Variants in TAFA1 observed in about 807,000 individuals in gnomAD.
TAFA1 encodes chemokine-like protein TAFA-1.
In TAFA1, 4 loss-of-function variants were observed where a neutral mutation model predicts 18.5. The observed-to-expected ratio is 0.22, with a 90% CI of 0.11 to 0.49. TAFA1 has a LOEUF of 0.49. Ranked by LOEUF, TAFA1 falls within the 20% of genes least tolerant of loss-of-function variation. TAFA1 has a pLI of 0.98. For synonymous variants in TAFA1, 56 were observed against 55.2 expected (o/e 1.01, Z -0.06); for missense variants, 147 against 169.0 (o/e 0.87, Z 0.72).
chr3:68,229,851 A>T (rs900853952), intron 2 of TAFA1, among the ~76,000 whole-genome samples: 2 of 152,174 alleles, frequency 1.3e-5, no homozygotes, highest in African/African-American at 4.8e-5. Context: ...TAACGGAGAG[A>T]TATATAATGC....
intron 2 of TAFA1, among the ~76,000 whole-genome samples, chr3:68,413,398 G>T (rs568265376): frequency 1.3e-5 from 2 of 152,076 alleles, no homozygotes; most frequent in East Asian, 3.9e-4. Flanking sequence ...TTTGTGATGT[G>T]TTTATTATGG....
chr3:68,271,275 C>T (rs1201686246), intron 2 of TAFA1, among the ~76,000 whole-genome samples: 2 of 152,088 alleles, frequency 1.3e-5, no homozygotes, highest in Non-Finnish European at 2.9e-5. Flanking sequence ...CAACAAAACA[C>T]CCAACTCCTG....
intron 2 of TAFA1, among the ~76,000 whole-genome samples, chr3:68,214,982 T>C (rs1479906843): frequency 6.6e-6 from 1 of 152,018 alleles, no homozygotes; most frequent in Non-Finnish European, 1.5e-5. Context: ...CTGTTGCTGA[T>C]CTGTGAAATG....
At chr3:68,168,404 C>A (rs1559545066) in intron 2 of TAFA1, among the ~76,000 whole-genome samples, 2 of 152,292 alleles carry the variant, frequency 1.3e-5, no homozygotes, top group East Asian at 3.9e-4. Flanking sequence ...CACGTTAATT[C>A]TCCCTTGTAT....
At chr3:68,233,962 C>T (rs987449382) in intron 2 of TAFA1, among the ~76,000 whole-genome samples, 1 of 152,078 alleles carries the variant, frequency 6.6e-6, no homozygotes, top group African/African-American at 2.4e-5. Context: ...GAAGAAAAGA[C>T]CGAAACTGGC....
chr3:68,055,399 G>C (rs2064523725), intron 2 of TAFA1, among the ~76,000 whole-genome samples: 1 of 152,026 alleles, frequency 6.6e-6, no homozygotes, highest in Non-Finnish European at 1.5e-5. Flanking sequence ...ACTATATTTT[G>C]CTCCCTTCCC....
intron 2 of TAFA1, among the ~76,000 whole-genome samples, chr3:68,026,729 C>T (rs1704824805): frequency 6.6e-6 from 1 of 152,142 alleles, no homozygotes; most frequent in South Asian, 2.1e-4. Flanking sequence ...GCAGTCTGTG[C>T]TCCTAACTAC....
At chr3:68,206,697 A>G (rs2066530531) in intron 2 of TAFA1, among the ~76,000 whole-genome samples, 1 of 151,966 alleles carries the variant, frequency 6.6e-6, no homozygotes, top group South Asian at 2.1e-4. Flanking sequence ...CTGTGTGCAG[A>G]CAAGAGAGCG....
At chr3:68,462,234 GT>G (rs988496113) in intron 3 of TAFA1, among the ~76,000 whole-genome samples, 4 of 152,026 alleles carry the variant, frequency 2.6e-5, no homozygotes, top group African/African-American at 9.7e-5. Context: ...AACTGATATG[GT>G]TTGCCTGTGT....
At chr3:68,473,919 C>T (rs1170542762) in intron 3 of TAFA1, among the ~76,000 whole-genome samples, 2 of 152,004 alleles carry the variant, frequency 1.3e-5, no homozygotes, top group African/African-American at 4.8e-5. Context: ...CTAATAGTGC[C>T]TGAAACATGG....
intron 2 of TAFA1, among the ~76,000 whole-genome samples, chr3:68,178,513 A>C (rs1314977711): frequency 6.6e-6 from 1 of 152,210 alleles, no homozygotes; most frequent in Non-Finnish European, 1.5e-5. Flanking sequence ...TATGAGAATT[A>C]ATTCAGAGTG....
At chr3:68,529,304 G>C (rs1398897849) in intron 3 of TAFA1, among the ~76,000 whole-genome samples, 1 of 151,442 alleles carries the variant, frequency 6.6e-6, no homozygotes, top group Non-Finnish European at 1.5e-5. Context: ...TTTTCTCTTT[G>C]AGTTTAGTGA....
chr3:68,295,070 T>G (rs1203543929), intron 2 of TAFA1, among the ~76,000 whole-genome samples: 1 of 152,172 alleles, frequency 6.6e-6, no homozygotes, highest in Non-Finnish European at 1.5e-5. Context: ...CTATGTTCTC[T>G]AAGCCTCAGT....
At chr3:68,350,150 A>G (rs539282577) in intron 2 of TAFA1, among the ~76,000 whole-genome samples, 117 of 152,280 alleles carry the variant, frequency 7.7e-4, no homozygotes, top group South Asian at 2.9e-3. Flanking sequence ...GACTGCAGTA[A>G]GAAAGAAATT....
intron 2 of TAFA1, among the ~76,000 whole-genome samples, chr3:68,376,102 C>T (rs556441009): frequency 6.6e-6 from 1 of 152,176 alleles, no homozygotes; most frequent in South Asian, 2.1e-4. Context: ...CACAACTGAT[C>T]AGGATATAGG....
At chr3:68,302,230 A>C (rs998874200) in intron 2 of TAFA1, among the ~76,000 whole-genome samples, 5 of 152,190 alleles carry the variant, frequency 3.3e-5, no homozygotes, top group African/African-American at 1.2e-4. Context: ...AGAGGTGTTT[A>C]TTTCCAGGCC....
At chr3:68,255,894 T>C (rs556657537) in intron 2 of TAFA1, among the ~76,000 whole-genome samples, 1 of 152,132 alleles carries the variant, frequency 6.6e-6, no homozygotes, top group Non-Finnish European at 1.5e-5. Flanking sequence ...CAAACACTTT[T>C]AATTAACAGA....
rs541182893 is a variant in TAFA1, at chr3:68,385,329, A to G, written c.119-31951A>G. Among the ~76,000 whole-genome samples the G allele has an allele frequency of 4.5e-4, 69 of 152,240 alleles. 1 individual carries two copies. In the South Asian group the frequency reaches 0.013, roughly 29 times the overall value. On this transcript the variant is annotated intron_variant, in intron 2 of 4. Transcript: ENST00000478136. Reference sequence around the variant, plus strand: ...GTAAACAACATGGCGTTTCCCCAGCATAAATCCTGATCAAAGACTAAAGTA... The same window carrying G: ...GTAAACAACATGGCGTTTCCCCAGCGTAAATCCTGATCAAAGACTAAAGTA...
At chr3:68,233,820 G>A (rs1304630324) in intron 2 of TAFA1, among the ~76,000 whole-genome samples, 1 of 152,014 alleles carries the variant, frequency 6.6e-6, no homozygotes, top group African/African-American at 2.4e-5. Flanking sequence ...TTTTAATGAA[G>A]CAAAGGTTAT....
Sources: allele counts gnomAD v4.1 joint callset (sites outside exome capture counted in the v4.1 genomes callset), GRCh38; gene constraint gnomAD v4.1.1; transcripts MANE v1.5; gene names NCBI Gene and HGNC (gene_info 2026-07-23, HGNC 2026-07-21).